The following EGLN1 variants were observed in gnomAD, a reference collection of about 807,000 sequenced individuals.
The protein encoded by EGLN1 is egl-9 family hypoxia inducible factor 1.
A neutral mutation model predicts 38.3 loss-of-function variants in EGLN1; 17 were observed. The ratio of observed to expected loss-of-function variants is 0.44; its 90% confidence interval spans 0.30 to 0.67. The LOEUF is 0.67. Ranked by LOEUF, EGLN1 falls within the 30% of genes least tolerant of loss-of-function variation. The pLI, the probability that EGLN1 is intolerant of heterozygous loss-of-function variation, is 0.08. For missense variants in EGLN1, 477 were observed against 603.3 expected (o/e 0.79, Z 2.19); for synonymous variants, 283 against 257.5 (o/e 1.10, Z -0.95).
intron 1 of EGLN1, among the ~76,000 whole-genome samples, chr1:231,404,597 G>C (rs1046381833): frequency 6.6e-6 from 1 of 151,726 alleles, no homozygotes; most frequent in African/African-American, 2.4e-5. Context: ...GGGCAACATA[G>C]CAAGACCCCG....
chr1:231,375,289 C>G (rs1687932097), intron 1 of EGLN1, among the ~76,000 whole-genome samples: 1 of 145,528 alleles, frequency 6.9e-6, no homozygotes, highest in Non-Finnish European at 1.5e-5. Context: ...CTCCTGACCT[C>G]AAGTGATCCT....
intron 1 of EGLN1, among the ~76,000 whole-genome samples, chr1:231,380,709 C>T (rs1318739957): frequency 6.6e-6 from 1 of 152,148 alleles, no homozygotes; most frequent in Non-Finnish European, 1.5e-5. Flanking sequence ...TGAGTGCACA[C>T]ATCTTTTTAA....
At chr1:231,376,099 G>C (rs1229848266) in intron 1 of EGLN1, among the ~76,000 whole-genome samples, 1 of 152,180 alleles carries the variant, frequency 6.6e-6, no homozygotes, top group African/African-American at 2.4e-5. Flanking sequence ...ATGAACCAAA[G>C]AGAAAAGGTC....
At chr1:231,416,045 C>T (rs1286129755) in intron 1 of EGLN1, among the ~76,000 whole-genome samples, 1 of 152,162 alleles carries the variant, frequency 6.6e-6, no homozygotes, top group Admixed American at 6.5e-5. Context: ...GACAGGGTTT[C>T]ACCATGTTGG....
chr1:231,409,081 GAGGAACAAGAGACTAAT>G (rs1688863629), intron 1 of EGLN1, among the ~76,000 whole-genome samples: 1 of 152,032 alleles, frequency 6.6e-6, no homozygotes. Flanking sequence ...AAATGGGAAT[GAGGAACAAGAGACTAAT>G]AGGAAATTAG....
Position 231,421,356 on chromosome 1 carries a change from C to T in EGLN1, c.533G>A (p.Gly178Asp), listed in dbSNP as rs765865681. The part of the protein sequence containing the change: ...TPGDALSPGG[G>D]LRPNGQTKPL... ...CTTCGTCTGCCCGTTGGGCCGCAGG[C>T]CGCCGCCGGGGCTCAGCGCATCCCC... Residue 178 changes from glycine (G) to aspartate (D), a missense_variant, in exon 1 of 5, where the codon GGC becomes GAC. By Grantham distance (94) the Gly-to-Asp change is moderately conservative. This residue lies in a region of EGLN1 where 298 missense variants were observed against 288.9 expected (regional missense o/e 1.03). Coordinates refer to ENST00000366641, the MANE Select transcript of EGLN1 (RefSeq NM_022051.3). The surrounding 1 kb of genome is among the most constrained non-coding windows in gnomAD (Gnocchi z 5.5). The T allele has an allele frequency of 1.2e-6, 2 of 1,609,754 alleles. No individual in the cohort carries two copies. Among genetic ancestry groups the T allele is most frequent in the African/African-American group, 2.7e-5 (2 of 74,858 alleles).
chr1:231,421,986 G>C lies in EGLN1; in HGVS notation c.-98C>G. The stretch of plus-strand genomic sequence containing the variant: ...AGGCTGGGGAGCGGGGAGAGAGATA[G>C]GGGCCGTTACTGCGCCATGCACCCG... On this transcript the variant is annotated 5_prime_UTR_variant, in exon 1 of 5. Coordinates refer to ENST00000366641, the MANE Select transcript of EGLN1 (RefSeq NM_022051.3). The surrounding 1 kb of genome is among the most constrained non-coding windows in gnomAD (Gnocchi z 5.5). 7.9e-7 allele frequency: 1 copy of C among 1,264,740 alleles called. No homozygotes were observed. Among genetic ancestry groups the C allele is most frequent in the Admixed American group, 4.3e-5 (1 of 23,472 alleles). The allele number at this position is 1,264,740 out of a possible 1,614,324, so 78.3% of individuals were successfully genotyped here.
Position 231,391,092 on chromosome 1 carries a change from T to TTTTTGTGTG in EGLN1, c.892-16994_892-16993insCACACAAAA, listed in dbSNP as rs1553353098. Among the ~76,000 whole-genome samples the TTTTTGTGTG allele has an allele frequency of 5.9e-5, 4 of 67,368 alleles. 1 individual carries two copies. Among genetic ancestry groups the TTTTTGTGTG allele is most frequent in the African/African-American group, 1.9e-4 (4 of 21,008 alleles). The allele number at this position is 67,368 out of a possible 152,430, so 44.2% of individuals were successfully genotyped here. On this transcript the variant is annotated intron_variant, in intron 1 of 4. Transcript: ENST00000366641. ...ACAGGGAACTCATTCTGTTTTTTTTTTGTGTGTGTGTGTGTGTGTGTGTGT... is the reference window on the plus strand; with the variant it reads ...ACAGGGAACTCATTCTGTTTTTTTTTTTTTGTGTGTGTGTGTGTGTGTGTGTGTGTGTGT...
At position 231,421,866 on chromosome 1, in the gene EGLN1, G is replaced by A. The variant is rs1229888461; in HGVS notation, c.23C>T (p.Pro8Leu). The A allele has an allele frequency of 6.7e-7, 1 of 1,494,874 alleles. No homozygotes were observed. Among genetic ancestry groups the A allele is most frequent in the Non-Finnish European group, 8.8e-7 (1 of 1,131,034 alleles). The allele number at this position is 1,494,874 out of a possible 1,614,324, so 92.6% of individuals were successfully genotyped here. Residue 8 changes from proline (P) to leucine (L), a missense_variant, in exon 1 of 5, where the codon CCC (proline) becomes CTC (leucine). Transcript: ENST00000366641. The surrounding 1 kb of genome is among the most constrained non-coding windows in gnomAD (Gnocchi z 5.5). ...TCGCTCGCTCGGGCTCGGCCCGCCG[G>A]GCCCGCCGCTGTCATTGGCCATGGC... MANDSGGPGGPSPSERDR... is the reference protein window; with the variant it reads MANDSGGLGGPSPSERDR...
chr1:231,415,510 T>G (rs1003138903), intron 1 of EGLN1, among the ~76,000 whole-genome samples: 1 of 152,140 alleles, frequency 6.6e-6, no homozygotes, highest in African/African-American at 2.4e-5. Flanking sequence ...GTGATCATTC[T>G]AAGCCCTTTT....
chr1:231,404,317 A>T (rs1251533549), intron 1 of EGLN1, among the ~76,000 whole-genome samples: 1 of 152,192 alleles, frequency 6.6e-6, no homozygotes, highest in Non-Finnish European at 1.5e-5. Flanking sequence ...ATTAAGGGTA[A>T]ATAAGCCATA....
At chr1:231,409,838 G>A (rs1302511852) in intron 1 of EGLN1, among the ~76,000 whole-genome samples, 1 of 152,146 alleles carries the variant, frequency 6.6e-6, no homozygotes, top group Non-Finnish European at 1.5e-5. Flanking sequence ...ATTAAGTACT[G>A]TTATTAACTC....
chr1:231,409,805 CTGTCCTCAAA>C (rs1688889630), intron 1 of EGLN1, among the ~76,000 whole-genome samples: 1 of 152,120 alleles, frequency 6.6e-6, no homozygotes, highest in Middle Eastern at 3.2e-3. Flanking sequence ...ATTTTCTCAC[CTGTCCTCAAA>C]TAGACCTATT....
At chr1:231,384,166 G>T (rs1188178489) in intron 1 of EGLN1, among the ~76,000 whole-genome samples, 1 of 151,930 alleles carries the variant, frequency 6.6e-6, no homozygotes, top group African/African-American at 2.4e-5. Flanking sequence ...GAGAGAGAAA[G>T]AACTCATTTA....
At chr1:231,389,249 T>C (rs1688308103) in intron 1 of EGLN1, among the ~76,000 whole-genome samples, 2 of 152,246 alleles carry the variant, frequency 1.3e-5, no homozygotes, top group Non-Finnish European at 2.9e-5. Flanking sequence ...TTTACATTTA[T>C]TCTTTCACTT....
chr1:231,414,229 A>G lies in EGLN1; in HGVS notation c.891+6769T>C, dbSNP rs537606079. Among the ~76,000 whole-genome samples, 10 of 152,366 alleles carry G rather than the reference A, an allele frequency of 6.6e-5. No homozygotes were observed. The East Asian group carries it at 1.9e-3, about 29-fold the overall frequency. ...GGTGGAATGTAAGCACAGAAGTAAA[A>G]TCTAAGAAAAAGAAACTGCCCAAGA... On this transcript the variant is annotated intron_variant, in intron 1 of 4. Transcript: ENST00000366641.
chr1:231,366,531 C>T, intron 4 of EGLN1, 56 bp from the exon 5 acceptor site: 3 of 1,511,326 alleles, frequency 2.0e-6, no homozygotes, highest in Non-Finnish European at 2.8e-6. Flanking sequence ...CAGAGAGCTT[C>T]TGCTACTGCA....
chr1:231,410,706 T>C (rs11805033), intron 1 of EGLN1, among the ~76,000 whole-genome samples: 41,187 of 151,486 alleles, frequency 0.27, 5,831 homozygotes, highest in East Asian at 0.4. Context: ...AAAACTACCA[T>C]TGTAAGTTGA....
chr1:231,374,982 TTGGTAA>T (rs1232461242), intron 1 of EGLN1, among the ~76,000 whole-genome samples: 1 of 152,110 alleles, frequency 6.6e-6, no homozygotes, highest in Non-Finnish European at 1.5e-5. Flanking sequence ...TTAACTGAAA[TTGGTAA>T]TGGTATTTTT....
Sources: allele counts gnomAD v4.1 joint callset (sites outside exome capture counted in the v4.1 genomes callset), GRCh38; gene constraint gnomAD v4.1.1; regional missense constraint gnomAD v4.1.1; non-coding constraint Gnocchi (gnomAD v3.1); transcripts MANE v1.5; gene names NCBI Gene and HGNC (gene_info 2026-07-23, HGNC 2026-07-21).